Variants in AHCY observed in about 807,000 individuals in gnomAD.
The protein encoded by AHCY is S-adenosyl-L-homocysteine hydrolase.
Under a neutral mutation model 45.4 loss-of-function variants are expected in AHCY, and 24 were observed. The observed-to-expected ratio is 0.53, with a 90% CI of 0.38 to 0.74. The LOEUF is 0.74. Among genes scored for constraint, AHCY ranks in the 30% least tolerant of loss-of-function variants. The pLI, the probability that AHCY is intolerant of heterozygous loss-of-function variation, is 0.00. For missense variants in AHCY, 449 were observed against 594.1 expected, an observed-to-expected ratio of 0.76 and a Z score of 2.54; for synonymous variants, 245 against 235.1, an observed-to-expected ratio of 1.04 and a Z score of -0.39.
chr20:34,279,959 T>C (rs973150139), downstream of AHCY, among the ~76,000 whole-genome samples: 4 of 151,776 alleles, frequency 2.6e-5, no homozygotes, highest in Non-Finnish European at 5.9e-5. Context: ...CAAAAAAAAA[T>C]TAGCTGGGTG....
the AHCY span, chr20:34,246,031 T>C: frequency 2.1e-6 from 2 of 966,490 alleles, no homozygotes; most frequent in Non-Finnish European, 3.3e-6. Flanking sequence ...ATGAATTATG[T>C]CATCTGTAAA....
At chr20:34,303,416 C>G, upstream of AHCY, 1 of 1,233,946 alleles carries the variant, frequency 8.1e-7, no homozygotes, top group Non-Finnish European at 1.2e-6. Context: ...TCATGACCCG[C>G]TGGGGCGGGG....
At chr20:34,246,734 AG>A in the AHCY span, among the ~76,000 whole-genome samples, 1 of 152,318 alleles carries the variant, frequency 6.6e-6, no homozygotes, top group African/African-American at 2.4e-5. Flanking sequence ...CTGGGATTAC[AG>A]GCGTGAGCCC....
At chr20:34,260,870 A>G in the AHCY span, among the ~76,000 whole-genome samples, 1 of 152,198 alleles carries the variant, frequency 6.6e-6, no homozygotes, top group Non-Finnish European at 1.5e-5. Flanking sequence ...GCTCCAGAAC[A>G]TATGCAAGTC....
the AHCY span, chr20:34,262,889 C>G: frequency 6.2e-7 from 1 of 1,613,984 alleles, no homozygotes; most frequent in Non-Finnish European, 8.5e-7. Context: ...AAAAGATCTT[C>G]TAAGGTAAGG....
chr20:34,278,659 A>C (rs991782614), downstream of AHCY, among the ~76,000 whole-genome samples: 9 of 152,288 alleles, frequency 5.9e-5, no homozygotes, highest in Admixed American at 1.3e-4. Flanking sequence ...TTTTGGTCTA[A>C]GTCCTACCAC....
chr20:34,237,463 T>C, the AHCY span, among the ~76,000 whole-genome samples: 5 of 152,242 alleles, frequency 3.3e-5, no homozygotes, highest in African/African-American at 1.2e-4. Flanking sequence ...TTTCAGATTG[T>C]TCATTGTTAA....
At position 34,290,108 on chromosome 20, in the gene AHCY, TA is replaced by T. The variant is rs1015311875; in HGVS notation, c.972+223del. On this transcript the variant is annotated intron_variant, in intron 8 of 9. Coordinates refer to ENST00000217426, the MANE Select transcript of AHCY (RefSeq NM_000687.4). The surrounding 1 kb of genome is among the most constrained non-coding windows in gnomAD (Gnocchi z 4.5). ...CACACAGTAGCTAGAGTGATCTTTC[TA>T]AAACTACAGCCTCACCACATACAGC... Among the ~76,000 whole-genome samples, 52 of 152,356 alleles carry T rather than the reference TA, an allele frequency of 3.4e-4. No homozygotes were observed. The highest frequency in any genetic ancestry group is 1.2e-3 in the African/African-American group (49 of 41,586).
rs1315966792 is a variant in AHCY at position 34,280,871 on chromosome 20, G to C, written c.*163C>G. 5 of 1,074,458 alleles carry C rather than the reference G, an allele frequency of 4.7e-6. No individual in the cohort carries two copies. Among genetic ancestry groups the C allele is most frequent in the African/African-American group, 3.1e-5 (2 of 63,958 alleles). 66.6% of individuals were successfully genotyped at this position (1,074,458 alleles called of 1,614,324 possible). A position where few individuals can be genotyped will look rare whatever the true frequency, so the allele number is the denominator to read the frequency against. ...TGTTCCCGCTGCCACATTTGGAACAGTATGACGGCTGCAGCAGAGGCCAAA... is the reference window on the plus strand; with the variant it reads ...TGTTCCCGCTGCCACATTTGGAACACTATGACGGCTGCAGCAGAGGCCAAA... On this transcript the variant is annotated 3_prime_UTR_variant, in exon 10 of 10. Coordinates refer to ENST00000217426, the MANE Select transcript of AHCY (RefSeq NM_000687.4).
chr20:34,232,293 A>G, the AHCY span, among the ~76,000 whole-genome samples: 1 of 152,188 alleles, frequency 6.6e-6, no homozygotes, highest in Non-Finnish European at 1.5e-5. Context: ...GGTATACTCT[A>G]TAAGATGAGG....
the AHCY span, chr20:34,260,602 G>T: frequency 6.8e-7 from 1 of 1,471,834 alleles, no homozygotes. Context: ...TGCTTCCCAG[G>T]GTGCTACCAG....
the AHCY span, among the ~76,000 whole-genome samples, chr20:34,258,754 A>T: frequency 1.3e-5 from 1 of 76,112 alleles, no homozygotes; most frequent in African/African-American, 1.2e-4. Context: ...ACTATATATA[A>T]TATATGATAT....
exon 1 of AHCY, chr20:34,311,777 C>G (rs1444654806): frequency 6.6e-6 from 1 of 152,604 alleles, no homozygotes; most frequent in African/African-American, 2.4e-5. Context: ...TCTCCTTTCC[C>G]GCTGTATCCA....
the AHCY span, chr20:34,260,274 A>C: frequency 2.3e-5 from 31 of 1,367,118 alleles, no homozygotes; most frequent in Non-Finnish European, 2.8e-5. Context: ...CAGGGTCACA[A>C]CACCAGCCCA....
upstream of AHCY, among the ~76,000 whole-genome samples, chr20:34,305,759 T>A (rs891768179): frequency 1.3e-5 from 2 of 152,084 alleles, no homozygotes; most frequent in African/African-American, 4.8e-5. Context: ...TAATAAAATT[T>A]GAGAAAACAA....
exon 1 of AHCY, chr20:34,311,480 T>A (rs1189614136): frequency 2.0e-5 from 3 of 152,384 alleles, no homozygotes; most frequent in Admixed American, 1.3e-4. Flanking sequence ...GCCTTTTCCG[T>A]GTTTGCTTTT....
In AHCY at chr20:34,291,077, C is replaced by A. The variant is rs559734109; in HGVS notation, c.559-139G>T. 4.5e-4 allele frequency: 342 copies of A among 764,052 alleles called. 4 individuals carry two copies. In the Middle Eastern group the frequency reaches 9.6e-3, roughly 21 times the overall value. The allele number at this position is 764,052 out of a possible 1,614,324, so 47.3% of individuals were successfully genotyped here. ...CGGCCTGGGCTGAACCCCTCCAGCA[C>A]CCAATGCCCCCACAAGCCCTTCACC... On this transcript the variant is annotated intron_variant, in intron 5 of 9. Transcript: ENST00000217426.
At chr20:34,234,279 G>A in the AHCY span, among the ~76,000 whole-genome samples, 1 of 152,190 alleles carries the variant, frequency 6.6e-6, no homozygotes, top group Non-Finnish European at 1.5e-5. Flanking sequence ...CTGCCAGTCT[G>A]TAATCTTCTA....
chr20:34,284,567 T>C (rs1568787131), intron 9 of AHCY, among the ~76,000 whole-genome samples: 1 of 152,166 alleles, frequency 6.6e-6, no homozygotes, highest in Non-Finnish European at 1.5e-5. Flanking sequence ...TAAATTATAA[T>C]GAGGCCAGGT....
Sources: gnomAD v4.1 joint callset for allele counts (sites outside exome capture counted in the v4.1 genomes callset) on GRCh38, gnomAD v4.1.1 for gene constraint, Gnocchi (gnomAD v3.1) non-coding constraint, MANE v1.5 for transcripts, NCBI Gene and HGNC (gene_info 2026-07-23, HGNC 2026-07-21) for gene names.